The following CACNB2 variants were observed in gnomAD, a reference collection of about 807,000 sequenced individuals.
CACNB2 encodes voltage-dependent L-type calcium channel subunit beta-2.
CACNB2 carries 42 observed loss-of-function variants against 73.3 expected under a neutral mutation model. That is an observed-to-expected ratio of 0.57 (90% CI 0.45 to 0.74). The LOEUF (loss-of-function observed/expected upper bound fraction) is 0.74. CACNB2 is among the 30% of genes least tolerant of loss of function. CACNB2 has a pLI of 0.00. For synonymous variants in CACNB2, 348 were observed against 310.3 expected (o/e 1.12, Z -1.28); for missense variants, 940 against 853.0 (o/e 1.10, Z -1.27).
chr10:18,170,748 T>C (rs967342368), intron 2 of CACNB2, among the ~76,000 whole-genome samples: 18 of 152,374 alleles, frequency 1.2e-4, no homozygotes, highest in African/African-American at 3.8e-4. Context: ...AAAACAGTTA[T>C]GTTGGTTTTA....
At chr10:18,447,641 A>G (rs1196507776) in intron 3 of CACNB2, among the ~76,000 whole-genome samples, 1 of 152,154 alleles carries the variant, frequency 6.6e-6, no homozygotes, top group East Asian at 1.9e-4. Flanking sequence ...AGACATGATC[A>G]CTGGCTTTGG....
At chr10:18,536,631 G>C (rs1470759373) in intron 12 of CACNB2, among the ~76,000 whole-genome samples, 1 of 152,134 alleles carries the variant, frequency 6.6e-6, no homozygotes, top group Non-Finnish European at 1.5e-5. Flanking sequence ...ATCACTTACA[G>C]TGGTATTCAT....
intron 5 of CACNB2, among the ~76,000 whole-genome samples, chr10:18,501,195 A>G (rs555690773): frequency 6.6e-6 from 1 of 152,364 alleles, no homozygotes; most frequent in African/African-American, 2.4e-5. Context: ...GTCATAGAGT[A>G]TTAAATTCAG....
intron 2 of CACNB2, among the ~76,000 whole-genome samples, chr10:18,357,699 C>T (rs556571731): frequency 6.6e-6 from 1 of 152,140 alleles, no homozygotes; most frequent in South Asian, 2.1e-4. Flanking sequence ...TATTTTTCGC[C>T]CACATGAATT....
chr10:18,330,965 C>G (rs1014817216), intron 2 of CACNB2, among the ~76,000 whole-genome samples: 2 of 151,060 alleles, frequency 1.3e-5, no homozygotes, highest in Non-Finnish European at 2.9e-5. Flanking sequence ...CCGTGCCCGG[C>G]CTTTTTATCT....
chr10:18,531,480 C>G (rs566346577), intron 10 of CACNB2, among the ~76,000 whole-genome samples: 1 of 152,154 alleles, frequency 6.6e-6, no homozygotes, highest in South Asian at 2.1e-4. Flanking sequence ...CATATACATG[C>G]GTGTATCTTT....
At chr10:18,156,806 G>C (rs1232467079) in intron 2 of CACNB2, among the ~76,000 whole-genome samples, 8 of 151,756 alleles carry the variant, frequency 5.3e-5, no homozygotes, top group Admixed American at 1.3e-4. Flanking sequence ...AAGCAGGAGG[G>C]TCACCTGAGG....
intron 3 of CACNB2, among the ~76,000 whole-genome samples, chr10:18,421,625 T>C (rs998314240): frequency 3.3e-5 from 5 of 152,278 alleles, no homozygotes; most frequent in African/African-American, 1.2e-4. Flanking sequence ...AAAAGGTTTT[T>C]TAAGTGGTTA....
intron 3 of CACNB2, among the ~76,000 whole-genome samples, chr10:18,478,062 G>A (rs1310843356): frequency 3.3e-5 from 5 of 152,148 alleles, no homozygotes; most frequent in African/African-American, 1.2e-4. Context: ...CTCGCGGGTA[G>A]CTGGGAATAC....
At chr10:18,300,555 T>C (rs1329448418) in intron 2 of CACNB2, among the ~76,000 whole-genome samples, 1 of 152,258 alleles carries the variant, frequency 6.6e-6, no homozygotes, top group African/African-American at 2.4e-5. Context: ...AATGACAACG[T>C]ATTTCAAAAC....
chr10:18,290,112 C>CTTTTTTTTTTTTTTTTTTTTTT (rs992393946), intron 2 of CACNB2, among the ~76,000 whole-genome samples: 4 of 50,138 alleles, frequency 8.0e-5, no homozygotes, highest in Non-Finnish European at 7.6e-5. Flanking sequence ...TTTTCTTTTT[C>CTTTTTTTTTTTTTTTTTTTTTT]TTTTTTTTTT....
intron 2 of CACNB2, among the ~76,000 whole-genome samples, chr10:18,199,467 G>A (rs949519179): frequency 4.0e-4 from 61 of 152,130 alleles, no homozygotes; most frequent in African/African-American, 1.4e-3. Context: ...ATGACATGGG[G>A]CAGATGGAAC....
At chr10:18,302,682 T>G (rs866536925) in intron 2 of CACNB2, among the ~76,000 whole-genome samples, 1 of 152,012 alleles carries the variant, frequency 6.6e-6, no homozygotes, top group African/African-American at 2.4e-5. Context: ...AATGGCATAA[T>G]GGACTTTGAG....
chr10:18,323,390 T>G (rs2040466518), intron 2 of CACNB2, among the ~76,000 whole-genome samples: 1 of 100,278 alleles, frequency 1.0e-5, no homozygotes, highest in African/African-American at 3.7e-5. Flanking sequence ...GAGGGCTTGG[T>G]TTTTTTTTAC....
chr10:18,250,068 T>C (rs1344242437), intron 2 of CACNB2, among the ~76,000 whole-genome samples: 1 of 152,152 alleles, frequency 6.6e-6, no homozygotes, highest in African/African-American at 2.4e-5. Flanking sequence ...GACTTCAAAA[T>C]ATATCCAGAA....
intron 2 of CACNB2, among the ~76,000 whole-genome samples, chr10:18,397,934 T>G (rs184720769): frequency 1.0e-3 from 154 of 152,150 alleles, no homozygotes; most frequent in African/African-American, 3.4e-3. Context: ...GGTATTAAGA[T>G]GTAGAAAAGG....
intron 2 of CACNB2, among the ~76,000 whole-genome samples, chr10:18,224,540 A>T (rs1468792499): frequency 6.6e-6 from 1 of 152,190 alleles, no homozygotes; most frequent in African/African-American, 2.4e-5. Flanking sequence ...GTTGGGACAG[A>T]TGCTCATATT....
intron 2 of CACNB2, among the ~76,000 whole-genome samples, chr10:18,354,204 G>A (rs1475211427): frequency 4.6e-5 from 7 of 152,150 alleles, no homozygotes; most frequent in Non-Finnish European, 1.0e-4. Context: ...CTTAAAAATA[G>A]CAAAGCACTG....
chr10:18,413,889 A>G (rs916552555), intron 3 of CACNB2, among the ~76,000 whole-genome samples: 2 of 152,258 alleles, frequency 1.3e-5, no homozygotes, highest in Admixed American at 6.5e-5. Context: ...GGCACAGGCA[A>G]CTGGGGCACA....
Sources: allele counts gnomAD v4.1 joint callset (sites outside exome capture counted in the v4.1 genomes callset), GRCh38; gene constraint gnomAD v4.1.1; transcripts MANE v1.5; gene names NCBI Gene and HGNC (gene_info 2026-07-23, HGNC 2026-07-21).